Variants in KCTD1 observed in about 807,000 individuals in gnomAD.
The protein encoded by KCTD1 is BTB/POZ domain-containing protein KCTD1.
A neutral mutation model predicts 66.0 loss-of-function variants in KCTD1; 24 were observed. The ratio of observed to expected loss-of-function variants is 0.36; its 90% CI spans 0.26 to 0.51. KCTD1 has a LOEUF of 0.51. KCTD1 is among the 20% of genes least tolerant of loss of function. KCTD1 has a pLI of 0.95. For missense variants in KCTD1, 943 were observed against 1,205.2 expected, an observed-to-expected ratio of 0.78 and a Z score of 3.22; for synonymous variants, 511 against 517.2, an observed-to-expected ratio of 0.99 and a Z score of 0.16.
At chr18:26,619,813 C>G (rs1299227280) in intron 1 of KCTD1, among the ~76,000 whole-genome samples, 1 of 152,202 alleles carries the variant, frequency 6.6e-6, no homozygotes, top group African/African-American at 2.4e-5. Flanking sequence ...CTCACTTATT[C>G]TTGAGAAGCC....
chr18:26,513,579 A>G (rs1376539861), intron 1 of KCTD1, among the ~76,000 whole-genome samples: 3 of 152,232 alleles, frequency 2.0e-5, no homozygotes, highest in Admixed American at 6.5e-5. Flanking sequence ...ATAGAGACGA[A>G]GTTTTAGCCT....
chr18:26,633,517 CATAAA>C (rs1266280499), upstream of KCTD1, among the ~76,000 whole-genome samples: 1 of 151,998 alleles, frequency 6.6e-6, no homozygotes, highest in Non-Finnish European at 1.5e-5. Context: ...GTCAATTAAA[CATAAA>C]ATAAAATAAT....
rs1201689393 is a variant in KCTD1, at chr18:26,547,838, G to A, written c.699C>T (p.Ser233=). ...GCTCATTGAGGTAGCGGTTGAGGGA[G>A]CTGCGGATGCTGATGAGCGACGACT... is the stretch of plus-strand genomic sequence containing the variant. ...YSKSSLISIR[S]SLNRYLNEPP... The change falls in exon 1 of 5, where the codon AGC becomes AGT. Residue 233 remains serine, a synonymous_variant. Coordinates refer to ENST00000580059, the MANE Select transcript of KCTD1 (RefSeq NM_001142730.3). 5 of 1,541,092 alleles carry A rather than the reference G, an allele frequency of 3.2e-6. No individual in the cohort carries two copies. The Admixed American group carries it at 7.8e-5, about 24-fold the overall frequency.
chr18:26,646,583 A>G (rs1987930253), intron 1 of KCTD1, among the ~76,000 whole-genome samples: 1 of 152,220 alleles, frequency 6.6e-6, no homozygotes, highest in African/African-American at 2.4e-5. Context: ...TAACTCAGCT[A>G]TATGAACACT....
chr18:26,650,677 G>A (rs1450523987), intron 1 of KCTD1, among the ~76,000 whole-genome samples: 1 of 152,160 alleles, frequency 6.6e-6, no homozygotes, highest in Non-Finnish European at 1.5e-5. Flanking sequence ...GATAGAGAAG[G>A]ATCAGTACCA....
At chr18:26,656,050 G>A (rs992763131) in intron 1 of KCTD1, among the ~76,000 whole-genome samples, 1 of 152,100 alleles carries the variant, frequency 6.6e-6, no homozygotes, top group African/African-American at 2.4e-5. Context: ...GGGGGGCGGC[G>A]GCAGTTGGGG....
chr18:26,469,828 C>T (rs80330219), intron 3 of KCTD1, among the ~76,000 whole-genome samples: 7,450 of 152,178 alleles, frequency 0.049, 264 homozygotes, highest in Non-Finnish European at 0.072. Context: ...ACAATGTCCT[C>T]TGGAAAAACA....
chr18:26,609,773 C>A (rs1235003087), intron 1 of KCTD1, among the ~76,000 whole-genome samples: 1 of 152,216 alleles, frequency 6.6e-6, no homozygotes, highest in Non-Finnish European at 1.5e-5. Context: ...TAGAACATAA[C>A]TTTTACAAGG....
At chr18:26,475,052 C>T (rs1981268520) in intron 3 of KCTD1, among the ~76,000 whole-genome samples, 1 of 152,008 alleles carries the variant, frequency 6.6e-6, no homozygotes, top group Non-Finnish European at 1.5e-5. Context: ...ACATCAAATT[C>T]CTATGCACCT....
chr18:26,619,934 A>C (rs1020904955), intron 1 of KCTD1, among the ~76,000 whole-genome samples: 14 of 152,208 alleles, frequency 9.2e-5, no homozygotes, highest in African/African-American at 2.9e-4. Flanking sequence ...ACTTTCAGCC[A>C]AAATCATCCT....
At chr18:26,622,419 C>T (rs1987406071) in intron 1 of KCTD1, among the ~76,000 whole-genome samples, 1 of 152,162 alleles carries the variant, frequency 6.6e-6, no homozygotes, top group Admixed American at 6.5e-5. Context: ...CATTTCTCCT[C>T]CCCATAAACC....
intron 1 of KCTD1, among the ~76,000 whole-genome samples, chr18:26,555,340 G>A (rs1410350839): frequency 1.3e-5 from 2 of 152,190 alleles, no homozygotes; most frequent in East Asian, 3.9e-4. Flanking sequence ...CAGGAAAATC[G>A]CTTGAACCTG....
chr18:26,528,893 G>A (rs1250978206), intron 1 of KCTD1, among the ~76,000 whole-genome samples: 1 of 152,154 alleles, frequency 6.6e-6, no homozygotes, highest in Admixed American at 6.5e-5. Context: ...ACAGATTCCA[G>A]TTTCTTGAGG....
intron 1 of KCTD1, among the ~76,000 whole-genome samples, chr18:26,515,522 T>TA (rs974405037): frequency 2.7e-4 from 41 of 150,712 alleles, no homozygotes; most frequent in Non-Finnish European, 5.3e-4. Context: ...TTTTTTTTTT[T>TA]TTTGAGATGG....
chr18:26,483,506 T>C (rs191655414), intron 2 of KCTD1, among the ~76,000 whole-genome samples: 1 of 152,292 alleles, frequency 6.6e-6, no homozygotes, highest in East Asian at 1.9e-4. Context: ...TGACCTCAGG[T>C]AACCTGCCCA....
chr18:26,602,012 C>T (rs1316302961), intron 1 of KCTD1, among the ~76,000 whole-genome samples: 1 of 152,084 alleles, frequency 6.6e-6, no homozygotes, highest in African/African-American at 2.4e-5. Flanking sequence ...CCAGAACCTC[C>T]AGGTACACTT....
intron 1 of KCTD1, among the ~76,000 whole-genome samples, chr18:26,503,491 C>CGGACACACAAACACACACACACAG (rs1982871769): frequency 6.6e-6 from 1 of 152,058 alleles, no homozygotes; most frequent in Non-Finnish European, 1.5e-5. Context: ...TTCCTGGCTA[C>CGGACACACAAACACACACACACAG]GGACACACAA....
At chr18:26,570,191 A>AAATATATATATATATATATATATATATAT (rs776923644) in intron 1 of KCTD1, among the ~76,000 whole-genome samples, 2 of 132,546 alleles carry the variant, frequency 1.5e-5, no homozygotes, top group East Asian at 4.9e-4. Context: ...ATCTAAAAAA[A>AAATATATATATATATATATATATATATAT]ATATATATAT....
chr18:26,629,173 A>G (rs1987565297), exon 1 of KCTD1: 1 of 985,248 alleles, frequency 1.0e-6, no homozygotes, highest in Non-Finnish European at 1.2e-6. Context: ...GCCTTTATTC[A>G]TCTGCACCCT....
Sources: allele counts gnomAD v4.1 joint callset (sites outside exome capture counted in the v4.1 genomes callset), GRCh38; gene constraint gnomAD v4.1.1; transcripts MANE v1.5; gene names NCBI Gene and HGNC (gene_info 2026-07-23, HGNC 2026-07-21).